The following KCNH7 variants were observed in gnomAD, a reference collection of about 807,000 sequenced individuals.
KCNH7 encodes the protein voltage-gated inwardly rectifying potassium channel KCNH7.
KCNH7 carries 49 observed loss-of-function variants against 120.8 expected under a neutral mutation model. That is an observed-to-expected ratio of 0.41 (90% CI 0.32 to 0.51). The LOEUF (loss-of-function observed/expected upper bound fraction) is 0.51, where lower values mean the gene tolerates loss of function less well. Ranked by LOEUF, KCNH7 falls within the 20% of genes least tolerant of loss-of-function variation. KCNH7 has a pLI of 0.38. For missense variants in KCNH7, 1,097 were observed against 1,446.6 expected, an observed-to-expected ratio of 0.76 and a Z score of 3.92; for synonymous variants, 547 against 516.1, an observed-to-expected ratio of 1.06 and a Z score of -0.81.
At chr2:162,755,623 A>G (rs181619713) in intron 2 of KCNH7, among the ~76,000 whole-genome samples, 26 of 152,316 alleles carry the variant, frequency 1.7e-4, no homozygotes, top group Middle Eastern at 3.4e-3. Flanking sequence ...AGATGTTCAC[A>G]TTGAATAGCT....
At chr2:162,654,906 A>T (rs1405623392) in intron 2 of KCNH7, among the ~76,000 whole-genome samples, 2 of 152,164 alleles carry the variant, frequency 1.3e-5, no homozygotes, top group African/African-American at 4.8e-5. Flanking sequence ...CATGGTCTCA[A>T]TTATGTGTGG....
At chr2:162,642,954 A>C (rs1386261131) in intron 2 of KCNH7, among the ~76,000 whole-genome samples, 1 of 152,232 alleles carries the variant, frequency 6.6e-6, no homozygotes, top group Admixed American at 6.5e-5. Flanking sequence ...ACTAGGGGAA[A>C]TGTAAGATGA....
chr2:162,425,762 A>C (rs1687839610), intron 8 of KCNH7, among the ~76,000 whole-genome samples: 2 of 152,152 alleles, frequency 1.3e-5, no homozygotes, highest in South Asian at 2.1e-4. Flanking sequence ...TTATTTATTA[A>C]ATAGATTTTA....
chr2:162,677,580 C>G (rs773125109), intron 2 of KCNH7, among the ~76,000 whole-genome samples: 3 of 151,378 alleles, frequency 2.0e-5, no homozygotes, highest in Non-Finnish European at 4.4e-5. Flanking sequence ...ATCTATTGTA[C>G]TCTAGATGAG....
rs181511038 is a variant in KCNH7 at position 162,748,232 on chromosome 2, A to T, written c.307+88305T>A. On this transcript the variant is annotated intron_variant, in intron 2 of 15. Transcript: ENST00000332142. ...CACAATATAGAACTCTTTGTACCAT[A>T]GGGTTTTGTTATGGCTTCTGTGTAT... Among the ~76,000 whole-genome samples, 328 of 152,280 alleles carry T rather than the reference A, an allele frequency of 2.2e-3. 2 individuals carry two copies. Among genetic ancestry groups the T allele is most frequent in the African/African-American group, 6.4e-3 (265 of 41,558 alleles).
intron 2 of KCNH7, among the ~76,000 whole-genome samples, chr2:162,627,165 T>A (rs12692654): frequency 0.64 from 96,682 of 151,974 alleles, 32,360 homozygotes; most frequent in African/African-American, 0.84. Flanking sequence ...CAATGTCTCC[T>A]GCATCTAAGA....
chr2:162,575,541 T>G (rs1171020245), intron 2 of KCNH7, among the ~76,000 whole-genome samples: 4 of 152,096 alleles, frequency 2.6e-5, no homozygotes, highest in Non-Finnish European at 4.4e-5. Flanking sequence ...CAATTTCAAA[T>G]GCTGTCCTGG....
chr2:162,574,637 C>T (rs908102972), intron 2 of KCNH7, among the ~76,000 whole-genome samples: 1 of 151,956 alleles, frequency 6.6e-6, no homozygotes, highest in African/African-American at 2.4e-5. Context: ...AAGAACAATC[C>T]ATGGGTTCTT....
intron 2 of KCNH7, among the ~76,000 whole-genome samples, chr2:162,618,211 G>A (rs1320705968): frequency 6.6e-6 from 1 of 151,942 alleles, no homozygotes; most frequent in Non-Finnish European, 1.5e-5. Context: ...GATTATTGCA[G>A]CTTGAAGAGT....
At chr2:162,562,183 T>A (rs770899244) in intron 2 of KCNH7, among the ~76,000 whole-genome samples, 1 of 152,136 alleles carries the variant, frequency 6.6e-6, no homozygotes, top group Non-Finnish European at 1.5e-5. Context: ...ATGTTCTGCA[T>A]ATGTACCCCA....
intron 2 of KCNH7, among the ~76,000 whole-genome samples, chr2:162,809,217 A>G (rs1019506898): frequency 1.3e-5 from 2 of 152,218 alleles, no homozygotes; most frequent in African/African-American, 2.4e-5. Flanking sequence ...AAAGTTGAAG[A>G]CAAAAATTTA....
rs115536540 is a variant in KCNH7 at position 162,544,292 on chromosome 2, C to T, written c.308-7212G>A. 1.4e-3 allele frequency among the ~76,000 whole-genome samples: 218 copies of T among 152,224 alleles called. 1 individual carries two copies. The highest frequency in any genetic ancestry group is 5.0e-3 in the African/African-American group (209 of 41,552). On this transcript the variant is annotated intron_variant, in intron 2 of 15. Transcript: ENST00000332142. The stretch of plus-strand genomic sequence containing the variant: ...TGGTATGCAGTAGAAATGTGTGAAA[C>T]AATCTTTATTTCTGGACTGGGCTAG...
chr2:162,524,086 T>A (rs968232398), intron 3 of KCNH7, among the ~76,000 whole-genome samples: 1 of 151,882 alleles, frequency 6.6e-6, no homozygotes, highest in Non-Finnish European at 1.5e-5. Context: ...TATCTTAGAT[T>A]GGATTCCTGA....
intron 13 of KCNH7, among the ~76,000 whole-genome samples, chr2:162,381,445 A>G (rs2105405699): frequency 6.6e-6 from 1 of 152,234 alleles, no homozygotes; most frequent in Non-Finnish European, 1.5e-5. Flanking sequence ...TTCTCCAAGT[A>G]GAAGACAGAC....
At chr2:162,395,272 A>G (rs1686877856) in intron 11 of KCNH7, among the ~76,000 whole-genome samples, 1 of 151,842 alleles carries the variant, frequency 6.6e-6, no homozygotes, top group Non-Finnish European at 1.5e-5. Context: ...AGTAATTTAA[A>G]GAACTTTGCA....
intron 2 of KCNH7, among the ~76,000 whole-genome samples, chr2:162,741,584 T>A (rs1688139818): frequency 6.6e-6 from 1 of 152,088 alleles, no homozygotes; most frequent in South Asian, 2.1e-4. Flanking sequence ...TCCATTTTAG[T>A]CAACAGCCTG....
rs552790564 is a variant in KCNH7 at position 162,541,412 on chromosome 2, C to T, written c.308-4332G>A. 5.3e-5 allele frequency among the ~76,000 whole-genome samples: 8 copies of T among 151,774 alleles called. No individual in the cohort carries two copies. The East Asian group carries it at 5.9e-4, about 11-fold the overall frequency. ...TAGAAAGATAATCAAGATTGTGGTG[C>T]GTTCAATAGCAAAGATGTGGAATCA... is the stretch of plus-strand genomic sequence containing the variant. On this transcript the variant is annotated intron_variant, in intron 2 of 15. Coordinates refer to ENST00000332142, the MANE Select transcript of KCNH7 (RefSeq NM_033272.4).
intron 2 of KCNH7, among the ~76,000 whole-genome samples, chr2:162,614,506 A>C (rs1233459454): frequency 6.6e-6 from 1 of 152,056 alleles, no homozygotes; most frequent in Non-Finnish European, 1.5e-5. Context: ...AGCTAAGTAA[A>C]ATGTGGAATA....
intron 2 of KCNH7, among the ~76,000 whole-genome samples, chr2:162,552,147 A>G (rs543139467): frequency 1.3e-5 from 2 of 152,336 alleles, no homozygotes; most frequent in South Asian, 4.1e-4. Flanking sequence ...GGTAGCAATC[A>G]TTGTCCCAAT....
Sources: allele counts gnomAD v4.1 joint callset (sites outside exome capture counted in the v4.1 genomes callset), GRCh38; gene constraint gnomAD v4.1.1; transcripts MANE v1.5; gene names NCBI Gene and HGNC (gene_info 2026-07-23, HGNC 2026-07-21).